Variants in SLAIN2 observed in about 807,000 individuals in gnomAD.
SLAIN2 encodes SLAIN family member 2, also known as SLAIN motif-containing protein 2.
A neutral mutation model predicts 56.6 loss-of-function variants in SLAIN2; 31 were observed. The ratio of observed to expected loss-of-function variants is 0.55; its 90% confidence interval spans 0.41 to 0.74. The LOEUF is 0.74. Ranked by LOEUF, SLAIN2 falls within the 30% of genes least tolerant of loss-of-function variation. The pLI is 0.00. For synonymous variants in SLAIN2, 317 were observed against 284.9 expected (o/e 1.11, Z -1.13); for missense variants, 777 against 754.2 (o/e 1.03, Z -0.35).
intron 6 of SLAIN2, among the ~76,000 whole-genome samples, chr4:48,416,498 G>A (rs1400631363): frequency 5.1e-3 from 721 of 140,646 alleles, no homozygotes; most frequent in Non-Finnish European, 6.8e-3. Flanking sequence ...CAATCATGTC[G>A]TCTGCAAACA....
intron 4 of SLAIN2, 40 bp downstream of exon 4, chr4:48,379,888 T>G: frequency 1.4e-6 from 2 of 1,412,330 alleles, no homozygotes; most frequent in Non-Finnish European, 1.9e-6. Context: ...TTTTTTACTA[T>G]TGCATAATTT....
chr4:48,381,484 TC>T (rs1176555529), intron 4 of SLAIN2, among the ~76,000 whole-genome samples: 1 of 152,180 alleles, frequency 6.6e-6, no homozygotes, highest in Non-Finnish European at 1.5e-5. Flanking sequence ...AAATGCAAGC[TC>T]CTATAGTGAT....
At chr4:48,389,935 G>T (rs751598643) in intron 6 of SLAIN2, among the ~76,000 whole-genome samples, 1 of 152,136 alleles carries the variant, frequency 6.6e-6, no homozygotes, top group Non-Finnish European at 1.5e-5. Flanking sequence ...TCTGATATCA[G>T]TGTGGAGAAA....
intron 4 of SLAIN2, 83 bp downstream of exon 4, chr4:48,379,931 G>A: frequency 8.2e-7 from 1 of 1,217,298 alleles, no homozygotes; most frequent in Non-Finnish European, 1.1e-6. Context: ...AAAGTATTGT[G>A]GGGGTAGTAA....
chr4:48,376,452 C>T (rs1277992217), intron 2 of SLAIN2, among the ~76,000 whole-genome samples: 12 of 47,156 alleles, frequency 2.5e-4, no homozygotes, highest in Non-Finnish European at 3.4e-4. Flanking sequence ...AACTTTGTCT[C>T]AGAGAAAAAA....
In SLAIN2 at chr4:48,425,792, A is replaced by G. The variant is rs1269089548; in HGVS notation, c.*3715A>G. The G allele has an allele frequency of 6.6e-6, 1 of 152,166 alleles. No individual in the cohort carries two copies. Among genetic ancestry groups the G allele is most frequent in the Non-Finnish European group, 1.5e-5 (1 of 68,012 alleles). 9.4% of individuals were successfully genotyped at this position (152,166 alleles called of 1,614,324 possible). Reference sequence around the variant, plus strand: ...ACTGATGTATTTTGAATGATCCTAAATATAAGTCTTGGGTGGCTAAATGGC... The same window carrying G: ...ACTGATGTATTTTGAATGATCCTAAGTATAAGTCTTGGGTGGCTAAATGGC... On this transcript the variant is annotated 3_prime_UTR_variant, in exon 8 of 8. Transcript: ENST00000264313.
At chr4:48,374,654 C>A (rs1050591391) in intron 2 of SLAIN2, among the ~76,000 whole-genome samples, 1 of 151,994 alleles carries the variant, frequency 6.6e-6, no homozygotes, top group Non-Finnish European at 1.5e-5. Context: ...AAAGGTTATT[C>A]TAGTAGTAGT....
chr4:48,377,336 A>ATTT (rs34493417), intron 2 of SLAIN2, among the ~76,000 whole-genome samples: 3 of 117,472 alleles, frequency 2.6e-5, no homozygotes, highest in East Asian at 2.5e-4. Context: ...TGCCTGGCTA[A>ATTT]TTTTTTTTTT....
rs1018266588 is a variant in SLAIN2 at position 48,425,795 on chromosome 4, T to G, written c.*3718T>G. 1.1e-4 allele frequency: 16 copies of G among 152,150 alleles called. No individual in the cohort carries two copies. The highest frequency in any genetic ancestry group is 3.9e-4 in the Admixed American group (6 of 15,274). The allele number at this position is 152,150 out of a possible 1,614,324, so 9.4% of individuals were successfully genotyped here. A position where few individuals can be genotyped will look rare whatever the true frequency, so the allele number is the denominator to read the frequency against. On this transcript the variant is annotated 3_prime_UTR_variant, in exon 8 of 8. Transcript: ENST00000264313. ...GATGTATTTTGAATGATCCTAAATATAAGTCTTGGGTGGCTAAATGGCCCT... is the reference window on the plus strand; with the variant it reads ...GATGTATTTTGAATGATCCTAAATAGAAGTCTTGGGTGGCTAAATGGCCCT...
intron 6 of SLAIN2, among the ~76,000 whole-genome samples, chr4:48,411,063 G>T (rs1200881998): frequency 2.6e-5 from 4 of 152,006 alleles, no homozygotes; most frequent in South Asian, 2.1e-4. Context: ...ATTGTGTTTC[G>T]TTGGTGTTTT....
intron 1 of SLAIN2, among the ~76,000 whole-genome samples, chr4:48,359,548 T>A (rs1715259340): frequency 6.6e-6 from 1 of 152,210 alleles, no homozygotes; most frequent in East Asian, 1.9e-4. Context: ...AATATATGTC[T>A]ATGTGAAGAA....
At chr4:48,373,000 A>G (rs1325403062) in intron 2 of SLAIN2, among the ~76,000 whole-genome samples, 1 of 152,168 alleles carries the variant, frequency 6.6e-6, no homozygotes, top group East Asian at 1.9e-4. Context: ...GCAGCGCACT[A>G]TCACTCGTTC....
intron 6 of SLAIN2, among the ~76,000 whole-genome samples, chr4:48,388,914 A>G (rs1442204599): frequency 6.6e-6 from 1 of 152,222 alleles, no homozygotes; most frequent in Non-Finnish European, 1.5e-5. Context: ...GAAAATGCAT[A>G]TAGCATCAAC....
At chr4:48,353,565 A>AG (rs1287610436) in intron 1 of SLAIN2, among the ~76,000 whole-genome samples, 1 of 152,088 alleles carries the variant, frequency 6.6e-6, no homozygotes, top group Admixed American at 6.5e-5. Context: ...ACAAACATTT[A>AG]TTTGGTCAGT....
intron 6 of SLAIN2, among the ~76,000 whole-genome samples, chr4:48,403,375 G>A (rs560264309): frequency 3.9e-5 from 6 of 152,126 alleles, no homozygotes; most frequent in Admixed American, 6.5e-5. Context: ...CATCATCAGA[G>A]TTCTGTTCGT....
At chr4:48,407,070 G>GT (rs951751773) in intron 6 of SLAIN2, among the ~76,000 whole-genome samples, 70 of 152,114 alleles carry the variant, frequency 4.6e-4, no homozygotes, top group African/African-American at 1.6e-3. Flanking sequence ...TTGAATTATA[G>GT]TTTTTTATAT....
At chr4:48,362,103 CAT>C (rs1167292517) in intron 1 of SLAIN2, among the ~76,000 whole-genome samples, 1 of 150,570 alleles carries the variant, frequency 6.6e-6, no homozygotes, top group African/African-American at 2.4e-5. Flanking sequence ...TGCGATTAAA[CAT>C]GTTTTACTTC....
intron 6 of SLAIN2, chr4:48,387,561 G>A (rs1716132108): frequency 1.3e-5 from 2 of 151,366 alleles, no homozygotes; most frequent in South Asian, 4.2e-4. Context: ...CCAATTGTAT[G>A]TACTTGTTTA....
intron 1 of SLAIN2, among the ~76,000 whole-genome samples, chr4:48,351,090 C>T (rs1188027787): frequency 6.6e-6 from 1 of 152,188 alleles, no homozygotes; most frequent in East Asian, 1.9e-4. Flanking sequence ...TCAGGAGCTT[C>T]TGCTCCTCTC....
Sources: gnomAD v4.1 joint callset for allele counts (sites outside exome capture counted in the v4.1 genomes callset) on GRCh38, gnomAD v4.1.1 for gene constraint, MANE v1.5 for transcripts, NCBI Gene and HGNC (gene_info 2026-07-23, HGNC 2026-07-21) for gene names.